KDM4C: variants seen among roughly 807,000 people sequenced by gnomAD.
KDM4C encodes lysine-specific demethylase 4C.
A neutral mutation model predicts 129.3 loss-of-function variants in KDM4C; 81 were observed. That is an observed-to-expected ratio of 0.63 (90% confidence interval 0.52 to 0.75). The LOEUF is 0.75. Ranked by LOEUF, KDM4C falls within the 30% of genes least tolerant of loss-of-function variation. The probability of loss-of-function intolerance (pLI) is 0.00; values close to 1 mark genes in which losing one functional copy is unlikely to be tolerated. For synonymous variants in KDM4C, 573 were observed against 456.1 expected (o/e 1.26, Z -3.26); for missense variants, 1,457 against 1,304.0 (o/e 1.12, Z -1.81).
At chr9:6,885,968 G>A (rs1038328280) in intron 6 of KDM4C, among the ~76,000 whole-genome samples, 1 of 152,180 alleles carries the variant, frequency 6.6e-6, no homozygotes, top group African/African-American at 2.4e-5. Flanking sequence ...AAAGAAAATG[G>A]AATAGACTCT....
chr9:6,959,165 A>G (rs1829615325), intron 8 of KDM4C, among the ~76,000 whole-genome samples: 1 of 152,182 alleles, frequency 6.6e-6, no homozygotes, highest in Non-Finnish European at 1.5e-5. Context: ...CACTACTTTT[A>G]AAAGAAGTAG....
chr9:6,747,694 C>T (rs1021447376), intron 1 of KDM4C, among the ~76,000 whole-genome samples: 1 of 152,088 alleles, frequency 6.6e-6, no homozygotes, highest in Non-Finnish European at 1.5e-5. Context: ...TAGTTTTAAC[C>T]TTGCCAGTTT....
chr9:6,927,525 A>G (rs769469746), intron 8 of KDM4C, among the ~76,000 whole-genome samples: 5 of 152,178 alleles, frequency 3.3e-5, no homozygotes, highest in Non-Finnish European at 7.3e-5. Context: ...GGAATTGATA[A>G]TAAGTGATGT....
intron 20 of KDM4C, among the ~76,000 whole-genome samples, chr9:7,168,384 A>G (rs896427997): frequency 6.6e-6 from 1 of 152,208 alleles, no homozygotes; most frequent in African/African-American, 2.4e-5. Context: ...GTTAGAACAT[A>G]TTAAGTATTC....
At chr9:7,128,257 G>A in intron 19 of KDM4C, 21 bp downstream of exon 19, 13 of 1,537,022 alleles carry the variant, frequency 8.5e-6, no homozygotes, top group Non-Finnish European at 1.1e-5. Flanking sequence ...TTCCTTGAGT[G>A]CCTGCTACCC....
chr9:6,916,354 G>A (rs372228656), intron 8 of KDM4C, among the ~76,000 whole-genome samples: 9 of 145,320 alleles, frequency 6.2e-5, no homozygotes, highest in Non-Finnish European at 1.1e-4. Flanking sequence ...TTTAATGAGA[G>A]TTTTTTTTTT....
At chr9:6,968,422 T>G (rs1270033328) in intron 8 of KDM4C, among the ~76,000 whole-genome samples, 1 of 152,208 alleles carries the variant, frequency 6.6e-6, no homozygotes, top group Admixed American at 6.5e-5. Context: ...GTGAAGCAGT[T>G]TTTTATGCAG....
chr9:7,049,232 A>T, intron 17 of KDM4C, 32 bp downstream of exon 17: 1 of 1,141,242 alleles, frequency 8.8e-7, no homozygotes, highest in Admixed American at 1.9e-5. Context: ...TTACCTCATA[A>T]ATTAGTGTTA....
chr9:6,851,670 G>A (rs1838871030), intron 5 of KDM4C, among the ~76,000 whole-genome samples: 1 of 152,266 alleles, frequency 6.6e-6, no homozygotes, highest in East Asian at 1.9e-4. Flanking sequence ...GTTAATTTGA[G>A]TTTTCAGTAT....
chr9:7,060,276 A>G (rs557502743), intron 17 of KDM4C, among the ~76,000 whole-genome samples: 2 of 150,356 alleles, frequency 1.3e-5, no homozygotes, highest in African/African-American at 4.9e-5. Flanking sequence ...AGGGACAGCT[A>G]TTGCATACTG....
intron 8 of KDM4C, among the ~76,000 whole-genome samples, chr9:6,979,062 G>C (rs991336850): frequency 6.6e-6 from 1 of 152,088 alleles, no homozygotes; most frequent in African/African-American, 2.4e-5. Context: ...CATTAAAGTG[G>C]GGAGCATCAC....
chr9:6,735,572 A>C (rs1016834747), intron 1 of KDM4C, among the ~76,000 whole-genome samples: 4 of 152,110 alleles, frequency 2.6e-5, no homozygotes, highest in African/African-American at 4.8e-5. Context: ...TAAAAACCAG[A>C]GTTTCCCTGC....
chr9:6,834,041 G>GTTTTTTTTTTTTTT (rs368060541), intron 4 of KDM4C, among the ~76,000 whole-genome samples: 4 of 57,760 alleles, frequency 6.9e-5, no homozygotes, highest in African/African-American at 2.5e-4. Context: ...TCAAGAGATA[G>GTTTTTTTTTTTTTT]TCTTTTTTTT....
intron 3 of KDM4C, among the ~76,000 whole-genome samples, chr9:6,812,359 C>G (rs549300278): frequency 2.6e-5 from 4 of 152,118 alleles, no homozygotes; most frequent in African/African-American, 9.7e-5. Context: ...TCCTAATAAA[C>G]AGCATCTCTG....
Position 6,759,429 on chromosome 9 carries a change from T to C in KDM4C, c.-18+1226T>C, listed in dbSNP as rs149705269. On this transcript the variant is annotated intron_variant, in intron 1 of 21. Coordinates refer to ENST00000381309, the MANE Select transcript of KDM4C (RefSeq NM_015061.6). ...GGAAGCAGTCGGCTCTGCTTTGCGATTATCGCTTGCTTTCTTACCTTGCTG... is the reference window on the plus strand; with the variant it reads ...GGAAGCAGTCGGCTCTGCTTTGCGACTATCGCTTGCTTTCTTACCTTGCTG... 8.0e-3 allele frequency among the ~76,000 whole-genome samples: 1,218 copies of C among 152,266 alleles called. 22 individuals carry two copies. The highest frequency in any genetic ancestry group is 0.028 in the African/African-American group (1,167 of 41,562).
At chr9:7,053,401 A>C (rs1587288115) in intron 17 of KDM4C, among the ~76,000 whole-genome samples, 1 of 152,132 alleles carries the variant, frequency 6.6e-6, no homozygotes, top group Non-Finnish European at 1.5e-5. Flanking sequence ...TATAATGGCC[A>C]GTTTTTAAAA....
At chr9:6,743,994 C>T (rs974186348) in intron 1 of KDM4C, among the ~76,000 whole-genome samples, 3 of 151,552 alleles carry the variant, frequency 2.0e-5, no homozygotes, top group African/African-American at 7.3e-5. Flanking sequence ...ACAATCCTCC[C>T]ACCTTGGCCT....
At chr9:6,964,057 C>G (rs1830476995) in intron 8 of KDM4C, among the ~76,000 whole-genome samples, 1 of 151,890 alleles carries the variant, frequency 6.6e-6, no homozygotes, top group African/African-American at 2.4e-5. Context: ...TATTATTTTT[C>G]TGTAATCTTT....
chr9:6,962,873 G>T (rs1210850340), intron 8 of KDM4C, among the ~76,000 whole-genome samples: 1 of 152,128 alleles, frequency 6.6e-6, no homozygotes, highest in Admixed American at 6.5e-5. Flanking sequence ...AATGTTTTCT[G>T]TAATTCATTA....
Sources: gnomAD v4.1 joint callset for allele counts (sites outside exome capture counted in the v4.1 genomes callset) on GRCh38, gnomAD v4.1.1 for gene constraint, MANE v1.5 for transcripts, NCBI Gene and HGNC (gene_info 2026-07-23, HGNC 2026-07-21) for gene names.